The following MCF2L variants were observed in gnomAD, a reference collection of about 807,000 sequenced individuals.
MCF2L encodes the protein guanine nucleotide exchange factor DBS.
In MCF2L, 97 loss-of-function variants were observed where a neutral mutation model predicts 153.4. The observed-to-expected ratio is 0.63, with a 90% confidence interval of 0.54 to 0.75. The LOEUF is 0.75. Ranked by LOEUF, MCF2L falls within the 30% of genes least tolerant of loss-of-function variation. The pLI, the probability that MCF2L is intolerant of heterozygous loss-of-function variation, is 0.00. For missense variants in MCF2L, 1,347 were observed against 1,495.2 expected (o/e 0.90, Z 1.64); for synonymous variants, 659 against 632.2 (o/e 1.04, Z -0.64).
intron 26 of MCF2L, chr13:113,089,955 C>T: frequency 1.9e-6 from 3 of 1,596,532 alleles, no homozygotes; most frequent in Non-Finnish European, 2.6e-6. Flanking sequence ...CCAGAAGGAG[C>T]CTCGGCCGAG....
intron 2 of MCF2L, among the ~76,000 whole-genome samples, chr13:112,916,616 T>G (rs368561882): frequency 1.2e-3 from 176 of 152,274 alleles, no homozygotes; most frequent in Non-Finnish European, 1.7e-3. Context: ...GGGGTCTGTA[T>G]AGGTGGCTGT....
chr13:112,981,424 C>T (rs890981674), intron 1 of MCF2L, among the ~76,000 whole-genome samples: 2 of 152,220 alleles, frequency 1.3e-5, no homozygotes, highest in African/African-American at 4.8e-5. Context: ...TCTGGTCCCC[C>T]GTGAAGACAT....
At chr13:112,947,007 T>G (rs1451795725) in intron 2 of MCF2L, among the ~76,000 whole-genome samples, 1 of 152,208 alleles carries the variant, frequency 6.6e-6, no homozygotes, top group African/African-American at 2.4e-5. Flanking sequence ...GCTTGTCTAC[T>G]GTGGTGTGTT....
At chr13:112,976,705 G>A (rs1364183193) in intron 1 of MCF2L, among the ~76,000 whole-genome samples, 2 of 152,196 alleles carry the variant, frequency 1.3e-5, no homozygotes, top group African/African-American at 4.8e-5. Context: ...TCCCGGGCTG[G>A]GACTGAAGGA....
In MCF2L at chr13:113,077,114, G is replaced by A; in HGVS notation, c.1563G>A (p.Gln521=). 6.2e-7 allele frequency: 1 copy of A among 1,612,852 alleles called. No individual in the cohort carries two copies. Among genetic ancestry groups the A allele is most frequent in the Non-Finnish European group, 8.5e-7 (1 of 1,179,856 alleles). ...TGGAGGAGGTGTTCCACCGCAGGCA[G>A]GCCAGCCTGAAGAAGCTGGCGGCCA... The part of the protein sequence containing the change: ...ASMEEVFHRR[Q]ASLKKLAARQ... Residue 521 remains glutamine (Q), a synonymous_variant, in exon 13 of 30, where the codon CAG becomes CAA. Coordinates refer to ENST00000535094, the MANE Select transcript of MCF2L (RefSeq NM_001112732.3).
At chr13:112,986,588 C>T (rs538475218) in intron 1 of MCF2L, among the ~76,000 whole-genome samples, 81 of 152,346 alleles carry the variant, frequency 5.3e-4, no homozygotes, top group Admixed American at 3.7e-3. Flanking sequence ...TGAGGACAGG[C>T]GGTCCCCTGG....
At chr13:113,085,803 G>C (rs113053525) in intron 20 of MCF2L, among the ~76,000 whole-genome samples, 6 of 75,228 alleles carry the variant, frequency 8.0e-5, no homozygotes, top group Admixed American at 2.3e-4. Flanking sequence ...GAGCAGGTGC[G>C]AGGGGTTTGC....
intron 1 of MCF2L, among the ~76,000 whole-genome samples, chr13:112,978,344 C>A (rs1240865231): frequency 6.6e-6 from 1 of 152,206 alleles, no homozygotes; most frequent in Admixed American, 6.5e-5. Context: ...AGCCTTGGGA[C>A]CACCTTGTTG....
intron 1 of MCF2L, among the ~76,000 whole-genome samples, chr13:112,970,102 G>A (rs925672424): frequency 6.6e-5 from 10 of 152,102 alleles, no homozygotes; most frequent in African/African-American, 1.9e-4. Flanking sequence ...GCTTTCAGGC[G>A]GTCGCATCTG....
In MCF2L at chr13:113,018,841, G is replaced by A. The variant is rs144706461; in HGVS notation, c.163+3995G>A. Among the ~76,000 whole-genome samples, 771 of 152,306 alleles carry A rather than the reference G, an allele frequency of 5.1e-3. 9 individuals carry two copies. The highest frequency in any genetic ancestry group is 0.018 in the African/African-American group (736 of 41,566). ...CGTCTCACTCCCTGCAATGGACGGCGGCCCCCCTCCCACTGCCCAGGCGGC... is the reference window on the plus strand; with the variant it reads ...CGTCTCACTCCCTGCAATGGACGGCAGCCCCCCTCCCACTGCCCAGGCGGC... On this transcript the variant is annotated intron_variant, in intron 2 of 29. Transcript: ENST00000535094.
chr13:113,083,631 T>A (rs575835240), intron 17 of MCF2L, among the ~76,000 whole-genome samples: 1 of 152,150 alleles, frequency 6.6e-6, no homozygotes, highest in South Asian at 2.1e-4. Context: ...TCAGGGTGTG[T>A]CTGCAGAGAA....
At chr13:113,092,981 G>C (rs1312018646) in intron 26 of MCF2L, among the ~76,000 whole-genome samples, 1 of 152,224 alleles carries the variant, frequency 6.6e-6, no homozygotes, top group East Asian at 1.9e-4. Context: ...GTAAGGTCCT[G>C]CCCACGCCAC....
chr13:112,981,794 C>T (rs2082437636), intron 1 of MCF2L, among the ~76,000 whole-genome samples: 2 of 152,224 alleles, frequency 1.3e-5, no homozygotes, highest in South Asian at 4.1e-4. Context: ...TTGCCTGGGC[C>T]GCCAGCGTGA....
chr13:113,051,607 G>A (rs1039190764), intron 4 of MCF2L, among the ~76,000 whole-genome samples: 1 of 149,574 alleles, frequency 6.7e-6, no homozygotes, highest in African/African-American at 2.5e-5. Context: ...GAGCCACTTT[G>A]CTCTCTCTAA....
chr13:113,071,007 G>A lies in MCF2L; in HGVS notation c.996+834G>A, dbSNP rs777267590. On this transcript the variant is annotated intron_variant, in intron 9 of 29. Transcript: ENST00000535094. ...TGTTTCGTTTAAGAAAATGCCAAACGGTTCTCAGTGTATGAGAGACTAGTT... is the reference window on the plus strand; with the variant it reads ...TGTTTCGTTTAAGAAAATGCCAAACAGTTCTCAGTGTATGAGAGACTAGTT... 2.5e-4 allele frequency among the ~76,000 whole-genome samples: 38 copies of A among 152,156 alleles called. 1 individual carries two copies. The highest frequency in any genetic ancestry group is 1.0e-4 in the Non-Finnish European group (7 of 68,036).
chr13:112,955,940 G>A (rs911658004), intron 2 of MCF2L: 16 of 152,178 alleles, frequency 1.1e-4, no homozygotes, highest in African/African-American at 3.1e-4. Flanking sequence ...AGGGGCCAGA[G>A]GCATTCTTCC....
In MCF2L at chr13:113,097,132, G is replaced by T; in HGVS notation, c.*273G>T. 1 of 328,300 alleles carries T rather than the reference G, an allele frequency of 3.0e-6. No individual in the cohort carries two copies. The highest frequency in any genetic ancestry group is 4.9e-5 in the East Asian group (1 of 20,504). The allele number at this position is 328,300 out of a possible 1,614,324, so 20.3% of individuals were successfully genotyped here. A position where few individuals can be genotyped will look rare whatever the true frequency, so the allele number is the denominator to read the frequency against. ...CGCCGGGCAGCGGCATCTCGTCCTG[G>T]CTCCACCGTGCTGCTTCTGCCTCTG... On this transcript the variant is annotated 3_prime_UTR_variant, in exon 30 of 30. Coordinates refer to ENST00000535094, the MANE Select transcript of MCF2L (RefSeq NM_001112732.3).
intron 15 of MCF2L, among the ~76,000 whole-genome samples, chr13:113,079,015 C>T (rs2033821095): frequency 6.6e-6 from 1 of 152,218 alleles, no homozygotes; most frequent in South Asian, 2.1e-4. Context: ...AGTGAAGGGG[C>T]ATCTTCGCCC....
Position 112,951,843 on chromosome 13 carries a change from C to T in MCF2L, c.169+49472C>T, listed in dbSNP as rs2081697628. 6.6e-6 allele frequency among the ~76,000 whole-genome samples: 1 copy of T among 152,202 alleles called. No individual in the cohort carries two copies. Among genetic ancestry groups the T allele is most frequent in the Admixed American group, 6.5e-5 (1 of 15,276 alleles). On this transcript the variant is annotated intron_variant, in intron 2 of 29. Transcript: ENST00000375608. The surrounding 1 kb of genome is among the most constrained non-coding windows in gnomAD (Gnocchi z 4.8). ...CACAAGACCTCTGTTTACTGTTTCT[C>T]ACAACTGCATGTGAACCTACAGTTA...
Sources: allele counts gnomAD v4.1 joint callset (sites outside exome capture counted in the v4.1 genomes callset), GRCh38; gene constraint gnomAD v4.1.1; non-coding constraint Gnocchi (gnomAD v3.1); transcripts MANE v1.5; gene names NCBI Gene and HGNC (gene_info 2026-07-23, HGNC 2026-07-21).